Variants in LPP observed in about 807,000 individuals in gnomAD.
LPP encodes the protein lipoma-preferred partner.
A neutral mutation model predicts 60.4 loss-of-function variants in LPP; 38 were observed. The observed-to-expected ratio is 0.63, with a 90% CI of 0.49 to 0.83. The LOEUF (loss-of-function observed/expected upper bound fraction) is 0.83, where lower values mean the gene tolerates loss of function less well. LPP is among the 40% of genes least tolerant of loss of function. The probability of loss-of-function intolerance (pLI) is 0.00; values close to 1 mark genes in which losing one functional copy is unlikely to be tolerated. For missense variants in LPP, 902 were observed against 783.6 expected (o/e 1.15, Z -1.80); for synonymous variants, 328 against 290.8 (o/e 1.13, Z -1.30).
chr3:188,498,627 A>G (rs1810943376), intron 5 of LPP, among the ~76,000 whole-genome samples: 1 of 152,218 alleles, frequency 6.6e-6, no homozygotes. Context: ...GTATGGGTGT[A>G]GAAATCACTC....
At chr3:188,307,117 A>G (rs972240011) in intron 2 of LPP, among the ~76,000 whole-genome samples, 5 of 152,192 alleles carry the variant, frequency 3.3e-5, no homozygotes, top group African/African-American at 1.2e-4. Flanking sequence ...ATATCATTCA[A>G]TTCTCACAAT....
At chr3:188,841,393 G>GTTTTTTTTTT (rs71169023) in intron 9 of LPP, among the ~76,000 whole-genome samples, 20 of 112,866 alleles carry the variant, frequency 1.8e-4, no homozygotes, top group East Asian at 1.3e-3. Context: ...TTCTGAATTT[G>GTTTTTTTTTT]TTTTTTTTTT....
intron 10 of LPP, among the ~76,000 whole-genome samples, chr3:188,870,114 T>G (rs919436875): frequency 3.3e-5 from 5 of 152,178 alleles, no homozygotes; most frequent in African/African-American, 9.7e-5. Context: ...CTTACCACAG[T>G]CTGACTGGTA....
At chr3:188,666,128 A>T (rs1051074128) in intron 7 of LPP, among the ~76,000 whole-genome samples, 1 of 152,248 alleles carries the variant, frequency 6.6e-6, no homozygotes, top group Non-Finnish European at 1.5e-5. Context: ...GATGAATAAC[A>T]TAAGTGTCCT....
At chr3:188,346,343 T>A (rs1485381352) in intron 3 of LPP, among the ~76,000 whole-genome samples, 3 of 135,884 alleles carry the variant, frequency 2.2e-5, no homozygotes, top group Non-Finnish European at 3.1e-5. Context: ...TACTGCAGCC[T>A]CCGCCTCCCA....
At chr3:188,400,085 C>T (rs1781889093) in intron 3 of LPP, among the ~76,000 whole-genome samples, 1 of 151,936 alleles carries the variant, frequency 6.6e-6, no homozygotes, top group South Asian at 2.1e-4. Context: ...TGACTATTGG[C>T]TTCATCACTT....
intron 1 of LPP, among the ~76,000 whole-genome samples, chr3:188,194,819 C>T (rs1269712280): frequency 6.6e-6 from 1 of 152,112 alleles, no homozygotes. Context: ...TTACAATGAA[C>T]CTGTGAGATT....
At chr3:188,426,779 C>CT (rs1458910308) in intron 4 of LPP, among the ~76,000 whole-genome samples, 7 of 151,788 alleles carry the variant, frequency 4.6e-5, no homozygotes, top group South Asian at 2.1e-4. Context: ...GCAACCCCTG[C>CT]TTTTTTTTGC....
intron 9 of LPP, among the ~76,000 whole-genome samples, chr3:188,804,235 G>C (rs1748238118): frequency 2.2e-5 from 1 of 45,868 alleles, no homozygotes; most frequent in South Asian, 9.0e-4. Flanking sequence ...TTTCAATGTA[G>C]TGCATCTTTA....
rs138177729 is a variant in LPP, at chr3:188,672,196, C to T, written c.1114-36071C>T. 3.1e-3 allele frequency among the ~76,000 whole-genome samples: 471 copies of T among 151,810 alleles called. 2 individuals carry two copies. The highest frequency in any genetic ancestry group is 0.011 in the African/African-American group (442 of 41,208). The stretch of plus-strand genomic sequence containing the variant: ...TTGCATTCCTGGAAGACAAAACTCA[C>T]GTTTATAATCTTTCTTGATACTAAG... On this transcript the variant is annotated intron_variant, in intron 7 of 11. Coordinates refer to ENST00000617246, the MANE Select transcript of LPP (RefSeq NM_001375462.1).
chr3:188,575,861 A>G (rs767723847), intron 6 of LPP, among the ~76,000 whole-genome samples: 5 of 152,096 alleles, frequency 3.3e-5, no homozygotes, highest in East Asian at 1.9e-4. Context: ...CATCTATTCT[A>G]TCAAGCCAAA....
chr3:188,378,013 G>C (rs1046905572), intron 3 of LPP, among the ~76,000 whole-genome samples: 1 of 152,204 alleles, frequency 6.6e-6, no homozygotes, highest in Admixed American at 6.5e-5. Flanking sequence ...GGTGGCTGCA[G>C]AACAGCGGAT....
chr3:188,314,168 G>C (rs1300160136), intron 2 of LPP, among the ~76,000 whole-genome samples: 1 of 152,098 alleles, frequency 6.6e-6, no homozygotes, highest in African/African-American at 2.4e-5. Flanking sequence ...TTGAGTAAAT[G>C]TCCTTCTTTT....
intron 3 of LPP, among the ~76,000 whole-genome samples, chr3:188,354,970 A>G (rs573900028): frequency 6.6e-6 from 1 of 152,250 alleles, no homozygotes; most frequent in East Asian, 1.9e-4. Flanking sequence ...AGCACCCTGA[A>G]GACAGAAGAG....
At chr3:188,687,385 AT>A (rs1314233168) in intron 7 of LPP, among the ~76,000 whole-genome samples, 2 of 152,184 alleles carry the variant, frequency 1.3e-5, no homozygotes, top group South Asian at 2.1e-4. Flanking sequence ...TTGAATTGTG[AT>A]CCCCACATGT....
At chr3:188,796,651 C>G (rs532526658) in intron 9 of LPP, among the ~76,000 whole-genome samples, 1 of 152,046 alleles carries the variant, frequency 6.6e-6, no homozygotes, top group Admixed American at 6.6e-5. Context: ...GAACATGACC[C>G]GAAGAGTGAA....
At position 188,570,023 on chromosome 3, in the gene LPP, C is replaced by CTT. The variant is rs5855208; in HGVS notation, c.430-39126_430-39125dup. Among the ~76,000 whole-genome samples the CTT allele has an allele frequency of 1.6e-3, 237 of 145,744 alleles. 3 individuals are homozygous for CTT. The highest frequency in any genetic ancestry group is 2.6e-3 in the Non-Finnish European group (174 of 66,352). ...ATGAATGGCAACTTCAGTTTAATGGCTTTTTTTTTTTTTGAGTAGTCACAA... is the reference window on the plus strand; with the variant it reads ...ATGAATGGCAACTTCAGTTTAATGGCTTTTTTTTTTTTTTTGAGTAGTCACAA... On this transcript the variant is annotated intron_variant, in intron 6 of 11. Transcript: ENST00000617246.
chr3:188,617,834 G>GT (rs1383059779), intron 7 of LPP, among the ~76,000 whole-genome samples: 2 of 152,064 alleles, frequency 1.3e-5, no homozygotes, highest in Non-Finnish European at 2.9e-5. Flanking sequence ...ATTTATCAGT[G>GT]TTTTTTCTTT....
chr3:188,159,856 T>C (rs928851895), intron 1 of LPP, among the ~76,000 whole-genome samples: 11 of 152,204 alleles, frequency 7.2e-5, no homozygotes, highest in Admixed American at 7.2e-4. Flanking sequence ...AGACAGGTGG[T>C]CTGGAACAGT....
Sources: gnomAD v4.1 joint callset for allele counts (sites outside exome capture counted in the v4.1 genomes callset) on GRCh38, gnomAD v4.1.1 for gene constraint, MANE v1.5 for transcripts, NCBI Gene and HGNC (gene_info 2026-07-23, HGNC 2026-07-21) for gene names.